HAUS6: variants seen among roughly 807,000 people sequenced by gnomAD.
HAUS6 encodes the protein HAUS augmin-like complex subunit 6.
In HAUS6, 80 loss-of-function variants were observed where a neutral mutation model predicts 106.8. The observed-to-expected ratio is 0.75, with a 90% CI of 0.63 to 0.90. The LOEUF (loss-of-function observed/expected upper bound fraction) is 0.90. HAUS6 is among the 40% of genes least tolerant of loss of function. The pLI is 0.00. For missense variants in HAUS6, 1,155 were observed against 1,118.1 expected (o/e 1.03, Z -0.47); for synonymous variants, 356 against 379.1 (o/e 0.94, Z 0.71).
At chr9:19,068,948 T>C (rs1836826474) in intron 12 of HAUS6, among the ~76,000 whole-genome samples, 2 of 152,214 alleles carry the variant, frequency 1.3e-5, no homozygotes, top group Admixed American at 1.3e-4. Context: ...TTTTTTCATA[T>C]GTTAAATCTG....
chr9:19,084,332 C>T (rs1283133808), intron 7 of HAUS6, among the ~76,000 whole-genome samples: 1 of 152,090 alleles, frequency 6.6e-6, no homozygotes, highest in Non-Finnish European at 1.5e-5. Context: ...TTTAGTGTAA[C>T]ATGTGAGGGC....
chr9:19,073,070 A>G (rs1836913189), intron 11 of HAUS6, among the ~76,000 whole-genome samples: 1 of 152,170 alleles, frequency 6.6e-6, no homozygotes, highest in African/African-American at 2.4e-5. Context: ...TAATAAATTT[A>G]TTTTATAAAC....
chr9:19,082,671 G>A (rs1036178063), intron 8 of HAUS6, among the ~76,000 whole-genome samples: 1 of 152,146 alleles, frequency 6.6e-6, no homozygotes, highest in Admixed American at 6.5e-5. Flanking sequence ...TCTTGAACCT[G>A]GGAGGCGGAG....
chr9:19,082,862 C>A lies in HAUS6; in HGVS notation c.870+11G>T. ...GTTTTCTCAAAAGCTTCCTTAATAT[C>A]AAATGCTTACCTGAAACATTTGTTT... On this transcript the variant is annotated intron_variant, in intron 8 of 16. Coordinates refer to ENST00000380502, the MANE Select transcript of HAUS6 (RefSeq NM_017645.5). 1 of 1,408,312 alleles carries A rather than the reference C, an allele frequency of 7.1e-7. No individual in the cohort carries two copies. Among genetic ancestry groups the A allele is most frequent in the African/African-American group, 1.5e-5 (1 of 67,834 alleles). The allele number at this position is 1,408,312 out of a possible 1,614,324, so 87.2% of individuals were successfully genotyped here. A position where few individuals can be genotyped will look rare whatever the true frequency, so the allele number is the denominator to read the frequency against.
intron 12 of HAUS6, among the ~76,000 whole-genome samples, chr9:19,069,539 A>C (rs1836842518): frequency 6.6e-6 from 1 of 152,022 alleles, no homozygotes; most frequent in Non-Finnish European, 1.5e-5. Context: ...AAATACAAAA[A>C]TTACCCAAGT....
intron 7 of HAUS6, among the ~76,000 whole-genome samples, chr9:19,083,560 T>G (rs1250868524): frequency 6.6e-6 from 1 of 152,000 alleles, no homozygotes; most frequent in African/African-American, 2.4e-5. Context: ...CCCAGCCCTT[T>G]GGGAGGCCGA....
Position 19,056,387 on chromosome 9 carries a change from T to A in HAUS6, c.2824A>T (p.Lys942Ter), listed in dbSNP as rs140286860. 317 of 1,551,516 alleles carry A rather than the reference T, an allele frequency of 2.0e-4. No homozygotes were observed. The East Asian group carries it at 6.3e-3, about 31-fold the overall frequency. ...PNLKEEDILN[K>*]SLDAKEPPSD... is the part of the protein sequence containing the mutation. Reference sequence around the variant, plus strand: ...GGTGGTTCTTTTGCATCAAGGCTCTTATTCAAAATGTCTTCTTCTGCAAAT... The same window carrying A: ...GGTGGTTCTTTTGCATCAAGGCTCTAATTCAAAATGTCTTCTTCTGCAAAT... The change falls in exon 17 of 17, where the codon AAG becomes TAG. Residue 942 changes from lysine (K) to a stop codon, truncating the protein, a stop_gained. Transcript: ENST00000380502. LOFTEE classifies it high-confidence loss of function.
rs1564018972 is a variant in HAUS6, at chr9:19,089,495, G to A, written c.501C>T (p.Ala167=). 1 of 1,607,528 alleles carries A rather than the reference G, an allele frequency of 6.2e-7. No homozygotes were observed. The highest frequency in any genetic ancestry group is 8.5e-7 in the Non-Finnish European group (1 of 1,174,086). ...IKPQDLHKCI[A]RCHFARSRFL... ...ATCTGCTACGTGCGAAATGGCATCT[G>A]GCAATGCATTTGTGCAAGTCCTGTG... is the stretch of plus-strand genomic sequence containing the variant. Residue 167 remains alanine, a synonymous_variant, in exon 5 of 17, where the codon GCC becomes GCT. Transcript: ENST00000380502.
At chr9:19,092,435 G>C (rs1268216986) in intron 4 of HAUS6, among the ~76,000 whole-genome samples, 1 of 151,706 alleles carries the variant, frequency 6.6e-6, no homozygotes, top group Non-Finnish European at 1.5e-5. Context: ...GACCAACAGG[G>C]AGAAACCCCA....
chr9:19,076,127 A>C (rs1239949553), intron 11 of HAUS6, among the ~76,000 whole-genome samples: 1 of 151,926 alleles, frequency 6.6e-6, no homozygotes, highest in East Asian at 1.9e-4. Flanking sequence ...TGGGAGGCTG[A>C]GACGGGTCAA....
rs1236186675 is a variant in HAUS6, at chr9:19,058,317, A to G, written c.2450T>C (p.Val817Ala). The G allele has an allele frequency of 1.2e-6, 2 of 1,613,774 alleles. No individual in the cohort carries two copies. The highest frequency in any genetic ancestry group is 8.5e-7 in the Non-Finnish European group (1 of 1,179,706). Reference protein sequence around the residue: ...MHGGTLLEDVVGGRQTTPESD... With the variant: ...MHGGTLLEDVAGGRQTTPESD... The stretch of plus-strand genomic sequence containing the variant: ...TTCTGGAGTAGTCTGTCTCCCTCCC[A>G]CAACATCTTCTAGAAGAGTGCCACC... Residue 817 changes from valine (V) to alanine (A), a missense_variant, in exon 16 of 17, where the codon GTG (valine) becomes GCG (alanine). Coordinates refer to ENST00000380502, the MANE Select transcript of HAUS6 (RefSeq NM_017645.5).
chr9:19,072,476 A>G (rs1184187853), intron 11 of HAUS6, among the ~76,000 whole-genome samples: 1 of 151,904 alleles, frequency 6.6e-6, no homozygotes, highest in African/African-American at 2.4e-5. Flanking sequence ...TTGTGCCACT[A>G]CACTCAAGCC....
chr9:19,102,694 C>G lies in HAUS6; in HGVS notation c.-43G>C, dbSNP rs773955424. 6.3e-7 allele frequency: 1 copy of G among 1,592,118 alleles called. No individual in the cohort carries two copies. Among genetic ancestry groups the G allele is most frequent in the East Asian group, 2.3e-5 (1 of 43,982 alleles). On this transcript the variant is annotated 5_prime_UTR_variant, in exon 1 of 17. Coordinates refer to ENST00000380502, the MANE Select transcript of HAUS6 (RefSeq NM_017645.5). ...TGGCTGCAAAGAAAGAAAGCGCAAG[C>G]CCAGGGGACTCGGAGGGCCCTCAAG...
chr9:19,074,563 T>A (rs542212651), intron 11 of HAUS6, among the ~76,000 whole-genome samples: 1 of 152,146 alleles, frequency 6.6e-6, no homozygotes, highest in Non-Finnish European at 1.5e-5. Context: ...TGAGCTGCTA[T>A]GCCCAGCCCT....
chr9:19,074,888 ATTCT>A (rs906328153), intron 11 of HAUS6, among the ~76,000 whole-genome samples: 1 of 152,228 alleles, frequency 6.6e-6, no homozygotes, highest in African/African-American at 2.4e-5. Flanking sequence ...TTATTGTACT[ATTCT>A]TTCATGTTAA....
At position 19,093,182 on chromosome 9, in the gene HAUS6, G is replaced by T; in HGVS notation, c.425C>A (p.Ser142Tyr). 1 of 1,565,248 alleles carries T rather than the reference G, an allele frequency of 6.4e-7. No individual in the cohort carries two copies. Among genetic ancestry groups the T allele is most frequent in the Non-Finnish European group, 8.7e-7 (1 of 1,148,648 alleles). ...TAAGTTGAACTTACTTTTAGAATTG[G>T]ATTTAATATATTTCATTGCAACAAA... ...ARFVAMKYIK[S>Y]NSKNSSHHFV... Residue 142 changes from serine to tyrosine, a missense_variant, in exon 4 of 17, where the codon TCC becomes TAC. By Grantham distance (144) the Ser-to-Tyr change is moderately radical (BLOSUM62 -2). Transcript: ENST00000380502.
chr9:19,063,230 A>C, intron 13 of HAUS6, 37 bp from the exon 14 acceptor site: 2 of 1,343,168 alleles, frequency 1.5e-6, no homozygotes, highest in Non-Finnish European at 2.1e-6. Flanking sequence ...AACCCTTAAT[A>C]ATCATGGCTG....
chr9:19,056,490 T>C, intron 16 of HAUS6, 86 bp from the exon 17 acceptor site: 1 of 756,086 alleles, frequency 1.3e-6, no homozygotes, highest in South Asian at 1.5e-5. Flanking sequence ...TTTTAGTCAA[T>C]ACAAAAAAGG....
intron 4 of HAUS6, among the ~76,000 whole-genome samples, chr9:19,092,219 G>A (rs1817765670): frequency 6.6e-6 from 1 of 151,878 alleles, no homozygotes; most frequent in African/African-American, 2.4e-5. Context: ...CACTTTAGGA[G>A]GCCAAGGCAG....
Sources: gnomAD v4.1 joint callset for allele counts (sites outside exome capture counted in the v4.1 genomes callset) on GRCh38, gnomAD v4.1.1 for gene constraint, MANE v1.5 for transcripts, NCBI Gene and HGNC (gene_info 2026-07-23, HGNC 2026-07-21) for gene names.